The following TCERG1 variants were observed in gnomAD, a reference collection of about 807,000 sequenced individuals.
TCERG1 encodes the protein transcription elongation regulator 1, also known as TATA box binding protein (TBP)-associated factor, RNA polymerase II, S, 150kD.
TCERG1 carries 37 observed loss-of-function variants against 144.7 expected under a neutral mutation model. The observed-to-expected ratio is 0.26, with a 90% confidence interval of 0.20 to 0.34. The LOEUF is 0.34. Among genes scored for constraint, TCERG1 ranks in the 10% least tolerant of loss-of-function variants. The pLI, the probability that TCERG1 is intolerant of heterozygous loss-of-function variation, is 1.00. For synonymous variants in TCERG1, 492 were observed against 458.2 expected, an observed-to-expected ratio of 1.07 and a Z score of -0.94; for missense variants, 1,027 against 1,380.7, an observed-to-expected ratio of 0.74 and a Z score of 4.06.
At chr5:146,481,778 C>T (rs1268461942) in intron 13 of TCERG1, 1 of 152,040 alleles carries the variant, frequency 6.6e-6, no homozygotes. Flanking sequence ...GTGAATGGGC[C>T]TTTTTCATAG....
At chr5:146,468,845 A>T (rs1469844518) in intron 6 of TCERG1, among the ~76,000 whole-genome samples, 1 of 152,004 alleles carries the variant, frequency 6.6e-6, no homozygotes, top group Non-Finnish European at 1.5e-5. Flanking sequence ...TAAGATAACT[A>T]CCTGAAACTT....
chr5:146,501,843 T>A (rs937763477), intron 17 of TCERG1, among the ~76,000 whole-genome samples: 2 of 152,044 alleles, frequency 1.3e-5, no homozygotes, highest in African/African-American at 4.8e-5. Flanking sequence ...ATATTCTGTT[T>A]CTTATAACCT....
At chr5:146,483,397 C>T (rs1476674002) in intron 14 of TCERG1, 143 bp from the exon 15 acceptor site, 3 of 634,472 alleles carry the variant, frequency 4.7e-6, no homozygotes, top group Non-Finnish European at 7.8e-6. Flanking sequence ...CCTCCCACTG[C>T]TTGTCATTTA....
Position 146,483,560 on chromosome 5 carries a change from G to A in TCERG1, c.2094G>A (p.Trp698Ter). 6.2e-7 allele frequency: 1 copy of A among 1,612,396 alleles called. No homozygotes were observed. The highest frequency in any genetic ancestry group is 8.5e-7 in the Non-Finnish European group (1 of 1,179,068). ...TAAAGGTGTCTGCTTTTTCAACGTG[G>A]GAGAAGGAGTTGCACAAGATAGTTT... ...LERGVSAFSTWEKELHKIVFD... is the reference protein window; with the variant it reads ...LERGVSAFST The change falls in exon 15 of 23, where the codon TGG (tryptophan) becomes TGA (stop). Residue 698 changes from tryptophan (W) to a stop codon, truncating the protein, a stop_gained. Coordinates refer to ENST00000679501, the MANE Select transcript of TCERG1 (RefSeq NM_001382548.1). LOFTEE classifies it high-confidence loss of function.
At chr5:146,456,273 T>C (rs902127197) in intron 2 of TCERG1, among the ~76,000 whole-genome samples, 3 of 152,234 alleles carry the variant, frequency 2.0e-5, no homozygotes, top group African/African-American at 7.2e-5. Context: ...AGAAATAGTT[T>C]TTTTAACTTA....
chr5:146,479,807 A>G, intron 10 of TCERG1, 48 bp from the exon 11 acceptor site: 2 of 1,599,632 alleles, frequency 1.3e-6, no homozygotes, highest in South Asian at 1.1e-5. Flanking sequence ...AAAGTTTGTG[A>G]AATATATGCA....
intron 5 of TCERG1, among the ~76,000 whole-genome samples, chr5:146,466,276 T>A (rs186248405): frequency 1.3e-5 from 2 of 152,188 alleles, no homozygotes; most frequent in Non-Finnish European, 2.9e-5. Context: ...AGGATTTGTA[T>A]GTAATTTGTC....
At chr5:146,508,570 G>T (rs1379672760) in intron 21 of TCERG1, among the ~76,000 whole-genome samples, 1 of 152,164 alleles carries the variant, frequency 6.6e-6, no homozygotes, top group Non-Finnish European at 1.5e-5. Flanking sequence ...GGAAAGAGGG[G>T]TAGACCCAGT....
Position 146,493,029 on chromosome 5 carries a change from T to G in TCERG1, c.2273T>G (p.Phe758Cys), listed in dbSNP as rs1363610232. ...DFKKMMEEAKFNPRATFSEFA... is the reference protein window; with the variant it reads ...DFKKMMEEAKCNPRATFSEFA... ...AAAAAAATGATGGAAGAAGCAAAATTTAATCCAAGGTATGTGGTTTGTTTC... is the reference window on the plus strand; with the variant it reads ...AAAAAAATGATGGAAGAAGCAAAATGTAATCCAAGGTATGTGGTTTGTTTC... Residue 758 changes from phenylalanine to cysteine, a missense_variant, in exon 16 of 23, where the codon TTT becomes TGT. By Grantham distance (205) the Phe-to-Cys change is radical. This residue lies in a region of TCERG1 where 482 missense variants were observed against 632.6 expected (regional missense o/e 0.76). Transcript: ENST00000679501. The G allele has an allele frequency of 1.9e-6, 3 of 1,594,502 alleles. No homozygotes were observed.
chr5:146,460,110 C>T (rs1212569377), intron 4 of TCERG1, among the ~76,000 whole-genome samples: 1 of 151,712 alleles, frequency 6.6e-6, no homozygotes, highest in Non-Finnish European at 1.5e-5. Flanking sequence ...GACTGGGATG[C>T]GAGTAGGTGA....
intron 12 of TCERG1, among the ~76,000 whole-genome samples, chr5:146,480,746 G>C (rs1374126376): frequency 5.9e-5 from 9 of 152,126 alleles, no homozygotes; most frequent in African/African-American, 2.2e-4. Flanking sequence ...ATCTGAAAAG[G>C]ACAGATTGAA....
At chr5:146,482,399 G>T (rs2150555703) in intron 13 of TCERG1, 193 bp from the exon 14 acceptor site, 1 of 424,284 alleles carries the variant, frequency 2.4e-6, no homozygotes. Context: ...ATCATTAGAA[G>T]CCCATTTTAA....
chr5:146,493,332 A>G (rs1471915914), intron 16 of TCERG1, among the ~76,000 whole-genome samples: 1 of 152,060 alleles, frequency 6.6e-6, no homozygotes, highest in Non-Finnish European at 1.5e-5. Flanking sequence ...AGTTTTATAC[A>G]TAATGAGTTG....
intron 9 of TCERG1, among the ~76,000 whole-genome samples, chr5:146,477,042 G>T (rs980144011): frequency 2.6e-5 from 4 of 152,202 alleles, no homozygotes; most frequent in African/African-American, 9.7e-5. Flanking sequence ...GGTGTGAGAA[G>T]TACGGGCGTG....
intron 16 of TCERG1, among the ~76,000 whole-genome samples, chr5:146,494,926 GT>G (rs1766748913): frequency 6.6e-6 from 1 of 152,002 alleles, no homozygotes; most frequent in African/African-American, 2.4e-5. Flanking sequence ...TTTTTATCCT[GT>G]TTGTTTTAAA....
At chr5:146,463,414 A>G in intron 4 of TCERG1, 137 bp from the exon 5 acceptor site, 1 of 1,240,962 alleles carries the variant, frequency 8.1e-7, no homozygotes, top group Non-Finnish European at 1.1e-6. Flanking sequence ...CTTGAAGATA[A>G]GACCTTTTGA....
intron 15 of TCERG1, among the ~76,000 whole-genome samples, chr5:146,485,004 C>T (rs2150587150): frequency 6.6e-6 from 1 of 152,288 alleles, no homozygotes; most frequent in Non-Finnish European, 1.5e-5. Context: ...TCACTGTTCC[C>T]TTGCTTAAAA....
intron 3 of TCERG1, among the ~76,000 whole-genome samples, chr5:146,458,485 A>G (rs552220760): frequency 3.3e-5 from 5 of 150,844 alleles, no homozygotes; most frequent in Non-Finnish European, 7.4e-5. Context: ...GCTATTTTTT[A>G]TTTTTGAGAT....
intron 15 of TCERG1, among the ~76,000 whole-genome samples, chr5:146,484,091 G>T (rs758944377): frequency 4.6e-5 from 7 of 152,100 alleles, no homozygotes; most frequent in Non-Finnish European, 7.4e-5. Flanking sequence ...GTGTCAGTAT[G>T]TACATATATA....
Sources: gnomAD v4.1 joint callset for allele counts (sites outside exome capture counted in the v4.1 genomes callset) on GRCh38, gnomAD v4.1.1 for gene constraint, gnomAD v4.1.1 regional missense constraint, MANE v1.5 for transcripts, NCBI Gene and HGNC (gene_info 2026-07-23, HGNC 2026-07-21) for gene names.